LRRC7: variants seen among roughly 807,000 people sequenced by gnomAD.
LRRC7 encodes leucine-rich repeat-containing protein 7.
LRRC7 carries 23 observed loss-of-function variants against 175.7 expected under a neutral mutation model. The observed-to-expected ratio is 0.13, with a 90% CI of 0.09 to 0.19. The LOEUF is 0.19. LRRC7 is among the 10% of genes least tolerant of loss of function. The pLI is 1.00. For missense variants in LRRC7, 1,354 were observed against 1,904.7 expected (o/e 0.71, Z 5.38); for synonymous variants, 685 against 680.9 (o/e 1.01, Z -0.09).
At chr1:69,857,836 C>T (rs1683867396) in intron 7 of LRRC7, among the ~76,000 whole-genome samples, 1 of 152,154 alleles carries the variant, frequency 6.6e-6, no homozygotes, top group Non-Finnish European at 1.5e-5. Flanking sequence ...AAGCTGGAGG[C>T]ATCACGCTAC....
rs543761894 is a variant in LRRC7 at position 69,854,898 on chromosome 1, G to A, written c.647+16615G>A. On this transcript the variant is annotated intron_variant, in intron 7 of 26. Coordinates refer to ENST00000651989, the MANE Select transcript of LRRC7 (RefSeq NM_001370785.2). ...CTGCCTTTAGCAGAAACATCATGGC[G>A]AAGTGGGGGGGACCTGGGCTTTAGA... Among the ~76,000 whole-genome samples the A allele has an allele frequency of 3.0e-4, 46 of 152,194 alleles. No individual in the cohort carries two copies. In the South Asian group the frequency reaches 7.5e-3, roughly 25 times the overall value.
chr1:69,988,587 A>G (rs1386031563), intron 10 of LRRC7, among the ~76,000 whole-genome samples: 1 of 152,222 alleles, frequency 6.6e-6, no homozygotes, highest in Non-Finnish European at 1.5e-5. Flanking sequence ...GACTTTAAGC[A>G]CAACAGAGGA....
At chr1:69,686,700 A>G (rs1661193150) in intron 2 of LRRC7, among the ~76,000 whole-genome samples, 1 of 152,160 alleles carries the variant, frequency 6.6e-6, no homozygotes, top group South Asian at 2.1e-4. Flanking sequence ...AACCAAGAGA[A>G]CAGAACAGAA....
chr1:69,685,907 A>C (rs1029066008), intron 2 of LRRC7, among the ~76,000 whole-genome samples: 4 of 152,092 alleles, frequency 2.6e-5, no homozygotes, highest in African/African-American at 9.6e-5. Flanking sequence ...ACCAAAAAAA[A>C]AAAATCCACA....
At chr1:69,914,946 C>T (rs1646643020) in intron 7 of LRRC7, among the ~76,000 whole-genome samples, 1 of 152,100 alleles carries the variant, frequency 6.6e-6, no homozygotes, top group Admixed American at 6.5e-5. Context: ...CTGTAGAGCA[C>T]ATATTTTTCA....
At chr1:69,820,932 T>C (rs1679218944) in intron 4 of LRRC7, among the ~76,000 whole-genome samples, 1 of 152,136 alleles carries the variant, frequency 6.6e-6, no homozygotes, top group Admixed American at 6.6e-5. Flanking sequence ...TTAAGCAATC[T>C]CCACACTGTC....
intron 1 of LRRC7, among the ~76,000 whole-genome samples, chr1:69,620,269 AT>A (rs5774987): frequency 0.85 from 129,617 of 151,712 alleles, 55,527 homozygotes; most frequent in East Asian, 0.98. Context: ...AACTATTTAC[AT>A]TTTTTTTTTA....
At chr1:69,594,895 C>G (rs1278940792) in intron 1 of LRRC7, among the ~76,000 whole-genome samples, 1 of 152,138 alleles carries the variant, frequency 6.6e-6, no homozygotes, top group African/African-American at 2.4e-5. Context: ...CTTACTCAAC[C>G]TGGAAGACAT....
chr1:69,887,982 T>A (rs1322528578), intron 7 of LRRC7, among the ~76,000 whole-genome samples: 1 of 131,052 alleles, frequency 7.6e-6, no homozygotes, highest in Non-Finnish European at 1.6e-5. Flanking sequence ...CGTTCTCAGA[T>A]CTCCAGCTGC....
At chr1:69,750,151 T>C (rs113547448) in intron 2 of LRRC7, among the ~76,000 whole-genome samples, 1,642 of 151,826 alleles carry the variant, frequency 0.011, 41 homozygotes, top group African/African-American at 0.038. Context: ...AAGAATCTTG[T>C]AGAGCACCCT....
rs2102249793 is a variant in LRRC7, at chr1:70,123,448, A to G, written c.*1561A>G. ...TTTATGGGGACATTGAAAATATTGT[A>G]TTTTTGTAGGGTCTATTAAAATGAG... On this transcript the variant is annotated 3_prime_UTR_variant, in exon 27 of 27. Transcript: ENST00000651989. 6.6e-6 allele frequency: 1 copy of G among 152,262 alleles called. No homozygotes were observed. The highest frequency in any genetic ancestry group is 3.4e-3 in the Middle Eastern group (1 of 294). The allele number at this position is 152,262 out of a possible 1,614,324, so 9.4% of individuals were successfully genotyped here. A position where few individuals can be genotyped will look rare whatever the true frequency, so the allele number is the denominator to read the frequency against.
chr1:69,699,511 C>T (rs1663067724), intron 2 of LRRC7, among the ~76,000 whole-genome samples: 1 of 151,400 alleles, frequency 6.6e-6, no homozygotes, highest in African/African-American at 2.4e-5. Flanking sequence ...CTGTACTCCA[C>T]CTGGCGACAG....
rs79599067 is a variant in LRRC7 at position 69,929,620 on chromosome 1, A to G, written c.648-1887A>G. 8.2e-3 allele frequency among the ~76,000 whole-genome samples: 1,250 copies of G among 152,342 alleles called. 16 individuals are homozygous for G. The highest frequency in any genetic ancestry group is 0.028 in the African/African-American group (1,145 of 41,578). ...TTTTATAATAAGAAAGAAGTAAAAT[A>G]GATTCAGTCCAAGCCACCATCACCT... On this transcript the variant is annotated intron_variant, in intron 7 of 26. Transcript: ENST00000651989.
intron 1 of LRRC7, among the ~76,000 whole-genome samples, chr1:69,586,791 G>A (rs368129404): frequency 3.3e-5 from 5 of 151,960 alleles, no homozygotes; most frequent in South Asian, 2.1e-4. Context: ...TAATATTTGC[G>A]CCTTAATTCT....
At position 70,142,942 on chromosome 1, in the gene LRRC7, T is replaced by C. The variant is rs949279484; in HGVS notation, c.*21055T>C. 6.6e-6 allele frequency: 1 copy of C among 152,090 alleles called. No individual in the cohort carries two copies. The highest frequency in any genetic ancestry group is 1.9e-4 in the East Asian group (1 of 5,206). 9.4% of individuals were successfully genotyped at this position (152,090 alleles called of 1,614,324 possible). A position where few individuals can be genotyped will look rare whatever the true frequency, so the allele number is the denominator to read the frequency against. On this transcript the variant is annotated 3_prime_UTR_variant, in exon 27 of 27. Coordinates refer to ENST00000651989, the MANE Select transcript of LRRC7 (RefSeq NM_001370785.2). ...ATGAAAATTATTTTTTCCTAAACGA[T>C]TTCATAATTGATTACTTTTGACCTC...
chr1:69,845,617 G>C (rs1469227731), intron 7 of LRRC7, among the ~76,000 whole-genome samples: 1 of 151,798 alleles, frequency 6.6e-6, no homozygotes, highest in African/African-American at 2.4e-5. Flanking sequence ...TTCTTAACTG[G>C]ACAGGTGTGA....
intron 7 of LRRC7, among the ~76,000 whole-genome samples, chr1:69,922,232 T>A (rs1001912576): frequency 7.9e-5 from 12 of 152,194 alleles, no homozygotes; most frequent in African/African-American, 2.9e-4. Context: ...GGCACATTTT[T>A]CTTACTATTC....
At position 69,568,335 on chromosome 1, in the gene LRRC7, C is replaced by T; in HGVS notation, c.-305C>T. 4.9e-6 allele frequency: 1 copy of T among 205,182 alleles called. No homozygotes were observed. Among genetic ancestry groups the T allele is most frequent in the South Asian group, 6.6e-5 (1 of 15,168 alleles). 12.7% of individuals were successfully genotyped at this position (205,182 alleles called of 1,614,324 possible). A position where few individuals can be genotyped will look rare whatever the true frequency, so the allele number is the denominator to read the frequency against. On this transcript the variant is annotated 5_prime_UTR_variant, in exon 1 of 27. Coordinates refer to ENST00000651989, the MANE Select transcript of LRRC7 (RefSeq NM_001370785.2). ...TCGCTAGCGCGGCGCGCTGGGCAGGCTGAGGCTGGGGAGTGGACGCGCTCC... is the reference window on the plus strand; with the variant it reads ...TCGCTAGCGCGGCGCGCTGGGCAGGTTGAGGCTGGGGAGTGGACGCGCTCC...
intron 22 of LRRC7, among the ~76,000 whole-genome samples, chr1:70,045,620 T>C (rs1660264580): frequency 6.6e-6 from 1 of 152,210 alleles, no homozygotes; most frequent in Non-Finnish European, 1.5e-5. Flanking sequence ...ACCTTTCTTA[T>C]AGGGCTTGCT....
Sources: gnomAD v4.1 joint callset for allele counts (sites outside exome capture counted in the v4.1 genomes callset) on GRCh38, gnomAD v4.1.1 for gene constraint, MANE v1.5 for transcripts, NCBI Gene and HGNC (gene_info 2026-07-23, HGNC 2026-07-21) for gene names.